The following PLA2G4A variants were observed in gnomAD, a reference collection of about 807,000 sequenced individuals.
PLA2G4A encodes cytosolic phospholipase A2.
PLA2G4A carries 40 observed loss-of-function variants against 81.9 expected under a neutral mutation model. The ratio of observed to expected loss-of-function variants is 0.49; its 90% confidence interval spans 0.38 to 0.64. The LOEUF (loss-of-function observed/expected upper bound fraction) is 0.64. Among genes scored for constraint, PLA2G4A ranks in the 30% least tolerant of loss-of-function variants. PLA2G4A has a pLI of 0.00. For synonymous variants in PLA2G4A, 302 were observed against 296.9 expected (o/e 1.02, Z -0.18); for missense variants, 715 against 905.1 (o/e 0.79, Z 2.69).
intron 14 of PLA2G4A, among the ~76,000 whole-genome samples, chr1:186,965,056 G>A (rs1197981838): frequency 6.6e-6 from 1 of 152,204 alleles, no homozygotes; most frequent in South Asian, 2.1e-4. Flanking sequence ...ATGAGGAAAT[G>A]TTTAGAAACA....
intron 8 of PLA2G4A, among the ~76,000 whole-genome samples, chr1:186,936,223 G>C (rs1208605082): frequency 6.6e-6 from 1 of 151,938 alleles, no homozygotes; most frequent in East Asian, 1.9e-4. Context: ...GAATTTGAGA[G>C]TGAGAATTTT....
chr1:186,962,608 G>C (rs1233919670), intron 14 of PLA2G4A, among the ~76,000 whole-genome samples: 1 of 151,826 alleles, frequency 6.6e-6, no homozygotes, highest in Non-Finnish European at 1.5e-5. Flanking sequence ...TGCAAGCTCC[G>C]TCTCCCGAGT....
chr1:186,949,404 G>GAAAA (rs10631853), intron 12 of PLA2G4A, among the ~76,000 whole-genome samples: 47,849 of 146,862 alleles, frequency 0.33, 9,634 homozygotes, highest in African/African-American at 0.55. Context: ...GAAAAAGAAA[G>GAAAA]AAGAAAGAAA....
intron 1 of PLA2G4A, among the ~76,000 whole-genome samples, chr1:186,833,536 AG>A: frequency 6.6e-6 from 1 of 152,204 alleles, no homozygotes; most frequent in African/African-American, 2.4e-5. Flanking sequence ...GGGAACCAAA[AG>A]GTTGGTTCTG....
At chr1:186,849,422 G>T (rs981766046) in intron 1 of PLA2G4A, among the ~76,000 whole-genome samples, 58 of 152,054 alleles carry the variant, frequency 3.8e-4, no homozygotes, top group Non-Finnish European at 1.9e-4. Flanking sequence ...GTCACGGAAG[G>T]GTTCTCTGTG....
intron 15 of PLA2G4A, among the ~76,000 whole-genome samples, chr1:186,969,220 T>C (rs779428012): frequency 6.6e-6 from 1 of 151,466 alleles, no homozygotes; most frequent in Non-Finnish European, 1.5e-5. Flanking sequence ...ATTTTAAAAA[T>C]TTTTTTCACT....
chr1:186,841,843 T>C (rs909267865), intron 1 of PLA2G4A, among the ~76,000 whole-genome samples: 3 of 152,204 alleles, frequency 2.0e-5, no homozygotes, highest in African/African-American at 7.2e-5. Context: ...GACAGGTTTA[T>C]CTGGATTAGT....
intron 16 of PLA2G4A, among the ~76,000 whole-genome samples, chr1:186,978,095 T>A (rs1255512680): frequency 6.6e-6 from 1 of 152,182 alleles, no homozygotes; most frequent in East Asian, 1.9e-4. Context: ...ATATTTTGAC[T>A]ATCACCCTTG....
At chr1:186,835,284 A>G (rs1014471695) in intron 1 of PLA2G4A, among the ~76,000 whole-genome samples, 4 of 152,336 alleles carry the variant, frequency 2.6e-5, no homozygotes, top group Non-Finnish European at 4.4e-5. Flanking sequence ...TCTTGGATCT[A>G]TAAGAAGAGA....
At chr1:186,899,253 A>G (rs1296321728) in intron 5 of PLA2G4A, among the ~76,000 whole-genome samples, 1 of 152,164 alleles carries the variant, frequency 6.6e-6, no homozygotes, top group Non-Finnish European at 1.5e-5. Flanking sequence ...TCTGAAGCAG[A>G]GTTGGCCTGG....
intron 7 of PLA2G4A, among the ~76,000 whole-genome samples, chr1:186,930,594 C>A (rs113424732): frequency 0.012 from 1,771 of 152,216 alleles, 41 homozygotes; most frequent in African/African-American, 0.04. Context: ...TAATCTGTTA[C>A]TAAGAACTTT....
chr1:186,970,679 T>A (rs1295952172), intron 15 of PLA2G4A, among the ~76,000 whole-genome samples: 6 of 152,040 alleles, frequency 3.9e-5, no homozygotes, highest in Non-Finnish European at 8.8e-5. Flanking sequence ...TTCTCCAGTA[T>A]ATATTCTGGG....
chr1:186,848,916 G>A (rs1290712153), intron 1 of PLA2G4A, among the ~76,000 whole-genome samples: 2 of 152,068 alleles, frequency 1.3e-5, no homozygotes, highest in African/African-American at 4.8e-5. Context: ...GAACAGAGTG[G>A]TTATGAATGA....
At chr1:186,959,815 A>G (rs1428297571) in intron 14 of PLA2G4A, among the ~76,000 whole-genome samples, 2 of 152,172 alleles carry the variant, frequency 1.3e-5, no homozygotes, top group African/African-American at 2.4e-5. Context: ...TCCTATTTTA[A>G]AGAATACCAA....
At chr1:186,947,900 A>C (rs991808806) in intron 12 of PLA2G4A, among the ~76,000 whole-genome samples, 37 of 152,292 alleles carry the variant, frequency 2.4e-4, no homozygotes, top group Admixed American at 2.6e-4. Context: ...ATTTATTTGA[A>C]GAATGCTTGC....
chr1:186,864,414 A>G (rs954190696), intron 2 of PLA2G4A, among the ~76,000 whole-genome samples: 4 of 151,958 alleles, frequency 2.6e-5, no homozygotes, highest in South Asian at 2.1e-4. Flanking sequence ...TTAGTTTTCC[A>G]CCAACAGTGT....
intron 2 of PLA2G4A, among the ~76,000 whole-genome samples, chr1:186,867,250 A>T (rs1653066317): frequency 6.6e-6 from 1 of 151,992 alleles, no homozygotes; most frequent in South Asian, 2.1e-4. Flanking sequence ...ATATTTTGTG[A>T]TTTTTATTGG....
At chr1:186,943,876 C>T (rs532861386) in intron 10 of PLA2G4A, among the ~76,000 whole-genome samples, 73 of 152,062 alleles carry the variant, frequency 4.8e-4, no homozygotes, top group Non-Finnish European at 9.3e-4. Context: ...ATAGTTAATG[C>T]TTTTGTGCAG....
intron 16 of PLA2G4A, 117 bp from the exon 17 acceptor site, chr1:186,979,198 C>T (rs1271256963): frequency 2.6e-6 from 2 of 760,424 alleles, no homozygotes; most frequent in Non-Finnish European, 4.7e-6. Flanking sequence ...CTACAGAGTA[C>T]CTGGCTCTGT....
Sources: allele counts gnomAD v4.1 joint callset (sites outside exome capture counted in the v4.1 genomes callset), GRCh38; gene constraint gnomAD v4.1.1; transcripts MANE v1.5; gene names NCBI Gene and HGNC (gene_info 2026-07-23, HGNC 2026-07-21).